The following FNDC3A variants were observed in gnomAD, a reference collection of about 807,000 sequenced individuals.
FNDC3A encodes the protein fibronectin type-III domain-containing protein 3A.
FNDC3A carries 32 observed loss-of-function variants against 148.9 expected under a neutral mutation model. The ratio of observed to expected loss-of-function variants is 0.21; its 90% CI spans 0.16 to 0.29. The LOEUF (loss-of-function observed/expected upper bound fraction) is 0.29. FNDC3A is among the 10% of genes least tolerant of loss of function. FNDC3A has a pLI of 1.00. For synonymous variants in FNDC3A, 472 were observed against 473.6 expected, an observed-to-expected ratio of 1.00 and a Z score of 0.04; for missense variants, 1,191 against 1,452.8, an observed-to-expected ratio of 0.82 and a Z score of 2.93.
At chr13:49,008,704 G>C (rs543765061) in intron 2 of FNDC3A, among the ~76,000 whole-genome samples, 1 of 152,232 alleles carries the variant, frequency 6.6e-6, no homozygotes, top group Non-Finnish European at 1.5e-5. Context: ...AATCATAATA[G>C]AGGGAATTGC....
At chr13:49,091,780 G>A (rs569631592) in intron 3 of FNDC3A, among the ~76,000 whole-genome samples, 16 of 152,320 alleles carry the variant, frequency 1.1e-4, no homozygotes, top group South Asian at 2.1e-4. Flanking sequence ...GGGCATTTGA[G>A]CCACTTCCTC....
intron 1 of FNDC3A, among the ~76,000 whole-genome samples, chr13:48,985,965 G>A (rs1206386313): frequency 3.3e-5 from 5 of 152,122 alleles, no homozygotes; most frequent in South Asian, 2.1e-4. Flanking sequence ...GATTTATGTC[G>A]GTTTTCCCTG....
intron 3 of FNDC3A, among the ~76,000 whole-genome samples, chr13:49,094,255 G>GCTTTAAA (rs1566245566): frequency 6.6e-6 from 1 of 152,094 alleles, no homozygotes; most frequent in Non-Finnish European, 1.5e-5. Context: ...AAAGGTGTGT[G>GCTTTAAA]CTTTAAACCT....
chr13:48,991,627 G>T (rs1376731483), intron 1 of FNDC3A, among the ~76,000 whole-genome samples: 3 of 151,952 alleles, frequency 2.0e-5, no homozygotes, highest in Non-Finnish European at 4.4e-5. Flanking sequence ...GGTTGAGGCT[G>T]CAGTGAGCTA....
intron 1 of FNDC3A, among the ~76,000 whole-genome samples, chr13:48,981,321 A>G (rs1951690733): frequency 6.6e-6 from 1 of 152,050 alleles, no homozygotes; most frequent in South Asian, 2.1e-4. Context: ...AGTTTCTTGC[A>G]ATCTTGGTTT....
chr13:49,093,913 G>T (rs1185426785), intron 3 of FNDC3A, among the ~76,000 whole-genome samples: 1 of 152,048 alleles, frequency 6.6e-6, no homozygotes, highest in East Asian at 1.9e-4. Context: ...GGTTTTAATT[G>T]CAAGATGTAG....
At chr13:49,196,249 T>A (rs1287821940) in intron 19 of FNDC3A, among the ~76,000 whole-genome samples, 1 of 152,192 alleles carries the variant, frequency 6.6e-6, no homozygotes, top group African/African-American at 2.4e-5. Flanking sequence ...CTTTTGCTAA[T>A]GAGCTTTGAA....
chr13:49,196,080 C>CAAAAAA (rs71076070), intron 19 of FNDC3A, among the ~76,000 whole-genome samples: 10 of 71,590 alleles, frequency 1.4e-4, no homozygotes, highest in East Asian at 5.2e-4. Flanking sequence ...GACCTTGTCT[C>CAAAAAA]AAAAAAAAAA....
intron 2 of FNDC3A, among the ~76,000 whole-genome samples, chr13:49,025,221 G>A (rs1419908613): frequency 6.6e-6 from 1 of 152,014 alleles, no homozygotes; most frequent in African/African-American, 2.4e-5. Context: ...ACATGAGTGT[G>A]CCTGTGCACA....
chr13:49,130,427 T>C (rs1881957883), intron 4 of FNDC3A, among the ~76,000 whole-genome samples: 1 of 152,162 alleles, frequency 6.6e-6, no homozygotes, highest in African/African-American at 2.4e-5. Context: ...GATCCAGTTG[T>C]TTTGTTTTCT....
intron 8 of FNDC3A, among the ~76,000 whole-genome samples, chr13:49,160,294 G>T (rs1884011238): frequency 6.6e-6 from 1 of 152,126 alleles, no homozygotes; most frequent in Non-Finnish European, 1.5e-5. Context: ...CTCAACTTCA[G>T]AGCCTGTTAT....
chr13:49,169,492 C>G (rs1220028838), intron 10 of FNDC3A, among the ~76,000 whole-genome samples: 1 of 152,120 alleles, frequency 6.6e-6, no homozygotes, highest in Non-Finnish European at 1.5e-5. Context: ...CTGATTGTCC[C>G]CCATTCTGCA....
chr13:49,053,211 G>A (rs1875979108), intron 2 of FNDC3A, among the ~76,000 whole-genome samples: 1 of 152,200 alleles, frequency 6.6e-6, no homozygotes. Flanking sequence ...CTGCAGTGGT[G>A]ATACAGTTGC....
At chr13:49,038,088 G>T (rs571328720) in intron 2 of FNDC3A, among the ~76,000 whole-genome samples, 4 of 152,138 alleles carry the variant, frequency 2.6e-5, no homozygotes, top group Non-Finnish European at 5.9e-5. Flanking sequence ...TCCAGCGGCC[G>T]ATCTCTTCTC....
chr13:49,185,106 G>GA (rs900030022), intron 14 of FNDC3A, among the ~76,000 whole-genome samples: 1 of 143,792 alleles, frequency 7.0e-6, no homozygotes, highest in African/African-American at 2.5e-5. Flanking sequence ...GTTTAGAGAA[G>GA]AAAAAATCAT....
intron 1 of FNDC3A, among the ~76,000 whole-genome samples, chr13:48,987,345 G>A (rs1422668842): frequency 6.6e-6 from 1 of 152,178 alleles, no homozygotes; most frequent in Non-Finnish European, 1.5e-5. Flanking sequence ...CTTGGAAGCA[G>A]TTCTTTCTCT....
At chr13:49,106,546 C>T (rs970105824) in intron 3 of FNDC3A, among the ~76,000 whole-genome samples, 3 of 152,164 alleles carry the variant, frequency 2.0e-5, no homozygotes, top group African/African-American at 7.2e-5. Flanking sequence ...AACTCCTGGG[C>T]TCAAGTGATC....
At chr13:49,038,197 T>C (rs905430146) in intron 2 of FNDC3A, among the ~76,000 whole-genome samples, 1 of 152,096 alleles carries the variant, frequency 6.6e-6, no homozygotes, top group African/African-American at 2.4e-5. Flanking sequence ...GGGTTTGGGA[T>C]TTATATGGGT....
intron 8 of FNDC3A, among the ~76,000 whole-genome samples, chr13:49,159,824 G>A (rs1883973339): frequency 6.6e-6 from 1 of 152,192 alleles, no homozygotes; most frequent in Non-Finnish European, 1.5e-5. Flanking sequence ...TTTTTAGCAT[G>A]AAGGGCTGTT....
Sources: gnomAD v4.1 joint callset for allele counts (sites outside exome capture counted in the v4.1 genomes callset) on GRCh38, gnomAD v4.1.1 for gene constraint, MANE v1.5 for transcripts, NCBI Gene and HGNC (gene_info 2026-07-23, HGNC 2026-07-21) for gene names.